STPG2: variants seen among roughly 807,000 people sequenced by gnomAD.
The protein encoded by STPG2 is sperm-tail PG-rich repeat-containing protein 2.
STPG2 carries 56 observed loss-of-function variants against 54.2 expected under a neutral mutation model. The ratio of observed to expected loss-of-function variants is 1.03; its 90% CI spans 0.83 to 1.29. The LOEUF (loss-of-function observed/expected upper bound fraction) is 1.29. Ranked by LOEUF, STPG2 falls within the 50% of genes most tolerant of loss-of-function variation. The pLI, the probability that STPG2 is intolerant of heterozygous loss-of-function variation, is 0.00. For synonymous variants in STPG2, 200 were observed against 181.8 expected, an observed-to-expected ratio of 1.10 and a Z score of -0.81; for missense variants, 596 against 544.9, an observed-to-expected ratio of 1.09 and a Z score of -0.93.
At chr4:98,077,328 C>A (rs1343574694) in intron 5 of STPG2, among the ~76,000 whole-genome samples, 2 of 152,080 alleles carry the variant, frequency 1.3e-5, no homozygotes, top group African/African-American at 4.8e-5. Flanking sequence ...ACTGCAACCT[C>A]TGCCTCCCAG....
At chr4:97,990,631 A>G (rs1432109541) in intron 5 of STPG2, among the ~76,000 whole-genome samples, 1 of 152,316 alleles carries the variant, frequency 6.6e-6, no homozygotes, top group East Asian at 1.9e-4. Flanking sequence ...GACTGGCACA[A>G]AATGAATCAC....
intron 9 of STPG2, among the ~76,000 whole-genome samples, chr4:97,813,993 T>G (rs574177811): frequency 6.6e-6 from 1 of 152,146 alleles, no homozygotes; most frequent in Non-Finnish European, 1.5e-5. Flanking sequence ...TTGCTTTCAG[T>G]AGAATGTACT....
intron 7 of STPG2, among the ~76,000 whole-genome samples, chr4:97,953,476 T>A (rs1733549173): frequency 6.6e-6 from 1 of 152,220 alleles, no homozygotes. Context: ...GTGCAGCTCC[T>A]GCACTTGTGG....
intron 4 of STPG2, among the ~76,000 whole-genome samples, chr4:97,456,653 T>C (rs1251331250): frequency 2.0e-5 from 3 of 152,002 alleles, no homozygotes; most frequent in Non-Finnish European, 2.9e-5. Context: ...CCCAGCACTT[T>C]GGGAGGCTGA....
rs192686732 is a variant in STPG2, at chr4:98,039,161, C to T, written c.613-57843G>A. On this transcript the variant is annotated intron_variant, in intron 5 of 10. Coordinates refer to ENST00000295268, the MANE Select transcript of STPG2 (RefSeq NM_174952.3). ...TGTGTATCAAAGACACAGGCAAAGACGGTTAGTGCAACATTATTTGTAATA... is the reference window on the plus strand; with the variant it reads ...TGTGTATCAAAGACACAGGCAAAGATGGTTAGTGCAACATTATTTGTAATA... Among the ~76,000 whole-genome samples the T allele has an allele frequency of 9.0e-4, 137 of 151,816 alleles. 3 individuals are homozygous for T. Among genetic ancestry groups the T allele is most frequent in the Admixed American group, 8.4e-3 (128 of 15,204 alleles).
chr4:97,725,552 C>T (rs1396393356), intron 9 of STPG2, among the ~76,000 whole-genome samples: 1 of 151,532 alleles, frequency 6.6e-6, no homozygotes. Context: ...TCCAGGAGCA[C>T]ATAACTGTTG....
chr4:97,450,268 C>T (rs889855815), intron 4 of STPG2, among the ~76,000 whole-genome samples: 3 of 152,056 alleles, frequency 2.0e-5, no homozygotes, highest in Non-Finnish European at 4.4e-5. Context: ...CCACTTATTC[C>T]CTCCTTCTTT....
intron 10 of STPG2, among the ~76,000 whole-genome samples, chr4:97,661,055 C>G (rs2148961282): frequency 6.6e-6 from 1 of 152,056 alleles, no homozygotes; most frequent in East Asian, 1.9e-4. Context: ...AAATAAGTTT[C>G]CATCAAGACA....
At chr4:98,010,028 G>A (rs1270765425) in intron 5 of STPG2, among the ~76,000 whole-genome samples, 1 of 151,632 alleles carries the variant, frequency 6.6e-6, no homozygotes, top group African/African-American at 2.4e-5. Context: ...AATGTGTGTT[G>A]ATTTTATCTT....
At chr4:97,848,380 G>A (rs548597283) in intron 8 of STPG2, among the ~76,000 whole-genome samples, 1 of 152,240 alleles carries the variant, frequency 6.6e-6, no homozygotes, top group Admixed American at 6.5e-5. Context: ...TGAGAAGGAA[G>A]ACAAAATTTC....
At chr4:98,094,680 G>A (rs568392025) in intron 5 of STPG2, among the ~76,000 whole-genome samples, 36 of 152,326 alleles carry the variant, frequency 2.4e-4, no homozygotes, top group Admixed American at 1.7e-3. Context: ...TGGGCTTTAA[G>A]TGAACATTGG....
chr4:97,553,382 C>T (rs1437833079), intron 4 of STPG2, among the ~76,000 whole-genome samples: 7 of 152,180 alleles, frequency 4.6e-5, no homozygotes, highest in African/African-American at 1.4e-4. Flanking sequence ...CAAGTCATCC[C>T]TTTTTCATCA....
chr4:97,740,214 C>A (rs1175705850), intron 9 of STPG2, among the ~76,000 whole-genome samples: 12 of 152,140 alleles, frequency 7.9e-5, no homozygotes. Flanking sequence ...GGACGTATCT[C>A]AAAATAATAA....
chr4:97,818,615 C>A (rs77950260), intron 9 of STPG2, among the ~76,000 whole-genome samples: 3,089 of 151,600 alleles, frequency 0.02, 98 homozygotes, highest in African/African-American at 0.071. Context: ...ATAAATAAAC[C>A]AAGTCCACTT....
intron 10 of STPG2, among the ~76,000 whole-genome samples, chr4:97,597,087 C>G (rs1237331256): frequency 6.6e-6 from 1 of 152,040 alleles, no homozygotes; most frequent in East Asian, 1.9e-4. Context: ...GTCATTACCA[C>G]CATCTGCACA....
chr4:98,051,497 T>C (rs115783762), intron 5 of STPG2, among the ~76,000 whole-genome samples: 2,731 of 152,130 alleles, frequency 0.018, 72 homozygotes, highest in African/African-American at 0.063. Flanking sequence ...AGTGGCTTTA[T>C]AGGAAGGAAG....
At chr4:97,694,885 T>A (rs1723516759) in intron 10 of STPG2, among the ~76,000 whole-genome samples, 1 of 143,188 alleles carries the variant, frequency 7.0e-6, no homozygotes, top group South Asian at 2.2e-4. Context: ...GCAGACAGAT[T>A]CACAGCTGAA....
chr4:97,917,827 C>T (rs548949427), intron 8 of STPG2, among the ~76,000 whole-genome samples: 1 of 152,030 alleles, frequency 6.6e-6, no homozygotes, highest in Non-Finnish European at 1.5e-5. Context: ...AGACTACATC[C>T]TCTAAATTTC....
intron 4 of STPG2, among the ~76,000 whole-genome samples, chr4:97,535,122 T>G (rs2148856138): frequency 6.6e-6 from 1 of 152,346 alleles, no homozygotes; most frequent in East Asian, 1.9e-4. Context: ...TGAACATAGC[T>G]TTTCATTTCA....
Sources: allele counts gnomAD v4.1 joint callset (sites outside exome capture counted in the v4.1 genomes callset), GRCh38; gene constraint gnomAD v4.1.1; transcripts MANE v1.5; gene names NCBI Gene and HGNC (gene_info 2026-07-23, HGNC 2026-07-21).